CCSER1: variants seen among roughly 807,000 people sequenced by gnomAD.
CCSER1 encodes serine-rich coiled-coil domain-containing protein 1.
In CCSER1, 41 loss-of-function variants were observed where a neutral mutation model predicts 82.0. The observed-to-expected ratio is 0.50, with a 90% CI of 0.39 to 0.65. CCSER1 has a LOEUF of 0.65. Among genes scored for constraint, CCSER1 ranks in the 30% least tolerant of loss-of-function variants. The probability of loss-of-function intolerance (pLI) is 0.00; values close to 1 mark genes in which losing one functional copy is unlikely to be tolerated. For missense variants in CCSER1, 1,119 were observed against 1,064.2 expected (o/e 1.05, Z -0.72); for synonymous variants, 414 against 383.9 (o/e 1.08, Z -0.92).
chr4:91,555,148 A>T (rs1762342743), intron 10 of CCSER1, among the ~76,000 whole-genome samples: 1 of 151,136 alleles, frequency 6.6e-6, no homozygotes. Context: ...TTTCAATATG[A>T]CCCAGAGCAC....
At chr4:91,191,424 C>T (rs1734986013) in intron 10 of CCSER1, among the ~76,000 whole-genome samples, 1 of 152,124 alleles carries the variant, frequency 6.6e-6, no homozygotes, top group Non-Finnish European at 1.5e-5. Flanking sequence ...TATAACTGCC[C>T]AACCTTCGAA....
chr4:90,353,753 C>T (rs1463463632), intron 3 of CCSER1, among the ~76,000 whole-genome samples: 1 of 152,198 alleles, frequency 6.6e-6, no homozygotes, highest in Non-Finnish European at 1.5e-5. Flanking sequence ...CTCTCCTCCT[C>T]TGTAGGATCT....
At chr4:90,861,926 ATTTTTT>A (rs70963087) in intron 8 of CCSER1, among the ~76,000 whole-genome samples, 1 of 125,660 alleles carries the variant, frequency 8.0e-6, no homozygotes, top group African/African-American at 2.8e-5. Flanking sequence ...ATATATATAT[ATTTTTT>A]TTTTCTGTTA....
At chr4:90,870,974 T>G (rs745720848) in intron 8 of CCSER1, among the ~76,000 whole-genome samples, 28 of 151,176 alleles carry the variant, frequency 1.9e-4, no homozygotes, top group Non-Finnish European at 3.3e-4. Context: ...TTTTTTAATG[T>G]ATGTTTGCTC....
chr4:91,129,354 CCACCTGATA>C (rs1017575693), intron 10 of CCSER1, among the ~76,000 whole-genome samples: 19 of 151,938 alleles, frequency 1.3e-4, no homozygotes, highest in African/African-American at 4.1e-4. Flanking sequence ...CATGAGGCTA[CCACCTGATA>C]CCTGAACAAA....
chr4:90,297,275 C>G (rs1732149105), intron 1 of CCSER1, among the ~76,000 whole-genome samples: 1 of 148,706 alleles, frequency 6.7e-6, no homozygotes, highest in African/African-American at 2.6e-5. Flanking sequence ...GGAGTTCACT[C>G]ATGATTTGGC....
In CCSER1 at chr4:91,603,035, T is replaced by C; in HGVS notation, c.*3978T>C. 6.6e-6 allele frequency among the ~76,000 whole-genome samples: 1 copy of C among 152,118 alleles called. No homozygotes were observed. Among genetic ancestry groups the C allele is most frequent in the East Asian group, 1.9e-4 (1 of 5,196 alleles). ...AGTTTAAGCTTTTTAAAACATGTCT[T>C]GTTTCTTTCTCATGTGGTAAATTTA... On this transcript the variant is annotated 3_prime_UTR_variant, in exon 11 of 11. Coordinates refer to ENST00000509176, the MANE Select transcript of CCSER1 (RefSeq NM_001145065.2).
chr4:91,512,293 G>A (rs1347096396), intron 10 of CCSER1, among the ~76,000 whole-genome samples: 2 of 152,156 alleles, frequency 1.3e-5, no homozygotes, highest in Non-Finnish European at 2.9e-5. Context: ...AATAAAGCAG[G>A]CAGAAGTTGG....
chr4:91,161,878 CAA>C (rs1731440294), intron 10 of CCSER1, among the ~76,000 whole-genome samples: 1 of 152,100 alleles, frequency 6.6e-6, no homozygotes, highest in East Asian at 1.9e-4. Flanking sequence ...ATGTCATCTG[CAA>C]ACAGTGACAA....
At chr4:90,544,847 G>C (rs896228283) in intron 5 of CCSER1, among the ~76,000 whole-genome samples, 2 of 152,080 alleles carry the variant, frequency 1.3e-5, no homozygotes, top group Admixed American at 1.3e-4. Context: ...GAATTTGGGC[G>C]ATGTTAAATT....
At chr4:90,629,921 A>G (rs937709877) in intron 6 of CCSER1, among the ~76,000 whole-genome samples, 35 of 152,360 alleles carry the variant, frequency 2.3e-4, no homozygotes, top group Non-Finnish European at 1.0e-4. Context: ...GAGATTATTT[A>G]CATCTTTTAG....
chr4:90,608,707 A>G (rs1296991571), intron 5 of CCSER1, among the ~76,000 whole-genome samples: 3 of 152,186 alleles, frequency 2.0e-5, no homozygotes, highest in Non-Finnish European at 4.4e-5. Flanking sequence ...TAAACTCCTA[A>G]TATGTATAAT....
intron 3 of CCSER1, among the ~76,000 whole-genome samples, chr4:90,352,484 T>G (rs1279064450): frequency 2.0e-5 from 3 of 151,870 alleles, no homozygotes; most frequent in Non-Finnish European, 4.4e-5. Flanking sequence ...GCCAACATGA[T>G]GAAACCCGTC....
At chr4:90,429,716 A>G (rs1241380621) in intron 4 of CCSER1, among the ~76,000 whole-genome samples, 1 of 151,814 alleles carries the variant, frequency 6.6e-6, no homozygotes, top group Non-Finnish European at 1.5e-5. Context: ...AGAGTGGACA[A>G]TTATTCTGAC....
intron 10 of CCSER1, among the ~76,000 whole-genome samples, chr4:91,586,788 G>T (rs1764017562): frequency 1.3e-5 from 2 of 151,534 alleles, no homozygotes; most frequent in Admixed American, 1.3e-4. Context: ...CTTAAGATAC[G>T]ATATTGTTGT....
intron 10 of CCSER1, among the ~76,000 whole-genome samples, chr4:91,595,623 G>C (rs975324331): frequency 6.6e-6 from 1 of 151,986 alleles, no homozygotes; most frequent in Non-Finnish European, 1.5e-5. Context: ...CCTTTATGAA[G>C]ATATGGATAT....
chr4:91,436,162 C>T (rs1326214318), intron 10 of CCSER1, among the ~76,000 whole-genome samples: 2 of 152,166 alleles, frequency 1.3e-5, no homozygotes, highest in African/African-American at 4.8e-5. Flanking sequence ...ATTACTTTTG[C>T]ACCAACCTAA....
chr4:90,458,798 G>C (rs139434034), intron 4 of CCSER1, among the ~76,000 whole-genome samples: 1 of 152,210 alleles, frequency 6.6e-6, no homozygotes, highest in Admixed American at 6.5e-5. Context: ...TGGAATTTTT[G>C]TCAGTGATGA....
intron 9 of CCSER1, among the ~76,000 whole-genome samples, chr4:90,994,467 C>T (rs373634958): frequency 6.6e-6 from 1 of 151,308 alleles, no homozygotes; most frequent in Non-Finnish European, 1.5e-5. Context: ...ATGCATGATG[C>T]TTTCACACAT....
Sources: allele counts gnomAD v4.1 joint callset (sites outside exome capture counted in the v4.1 genomes callset), GRCh38; gene constraint gnomAD v4.1.1; transcripts MANE v1.5; gene names NCBI Gene and HGNC (gene_info 2026-07-23, HGNC 2026-07-21).